HMBOX1: variants seen among roughly 807,000 people sequenced by gnomAD.
HMBOX1 encodes homeobox-containing protein 1.
A neutral mutation model predicts 54.5 loss-of-function variants in HMBOX1; 14 were observed. The ratio of observed to expected loss-of-function variants is 0.26; its 90% CI spans 0.17 to 0.40. The LOEUF (loss-of-function observed/expected upper bound fraction) is 0.40, where lower values mean the gene tolerates loss of function less well. HMBOX1 is among the 10% of genes least tolerant of loss of function. The pLI is 1.00. For synonymous variants in HMBOX1, 160 were observed against 181.0 expected (o/e 0.88, Z 0.93); for missense variants, 332 against 514.4 (o/e 0.65, Z 3.43).
At chr8:28,915,151 A>G (rs922012932) in intron 1 of HMBOX1, among the ~76,000 whole-genome samples, 7 of 152,222 alleles carry the variant, frequency 4.6e-5, no homozygotes, top group African/African-American at 1.4e-4. Flanking sequence ...TCAACTTCCT[A>G]GAGCAACTCT....
At chr8:28,955,205 G>A (rs965581665) in intron 1 of HMBOX1, among the ~76,000 whole-genome samples, 1 of 151,886 alleles carries the variant, frequency 6.6e-6, no homozygotes, top group African/African-American at 2.4e-5. Flanking sequence ...TTTTTAAAAA[G>A]TATAGTCTCT....
chr8:29,001,314 C>T (rs764622839), intron 4 of HMBOX1, among the ~76,000 whole-genome samples: 7 of 152,154 alleles, frequency 4.6e-5, no homozygotes, highest in Non-Finnish European at 8.8e-5. Context: ...CTCTGGGAGG[C>T]CAAGGCGGGT....
At chr8:29,016,696 G>A (rs189847364) in intron 5 of HMBOX1, among the ~76,000 whole-genome samples, 1 of 152,248 alleles carries the variant, frequency 6.6e-6, no homozygotes, top group Non-Finnish European at 1.5e-5. Context: ...TCATGTGGAT[G>A]TGGACAGGTC....
At chr8:29,004,717 T>C (rs767211920) in intron 4 of HMBOX1, among the ~76,000 whole-genome samples, 14 of 152,206 alleles carry the variant, frequency 9.2e-5, no homozygotes, top group South Asian at 4.1e-4. Context: ...GTAGACAAGA[T>C]AGGTTTTGAG....
At chr8:28,948,070 G>A (rs1485187856) in intron 1 of HMBOX1, among the ~76,000 whole-genome samples, 1 of 152,140 alleles carries the variant, frequency 6.6e-6, no homozygotes, top group East Asian at 1.9e-4. Context: ...TTGCAGGCTT[G>A]AGCCACTGTA....
intron 8 of HMBOX1, among the ~76,000 whole-genome samples, chr8:29,048,046 T>C (rs1805861046): frequency 6.6e-6 from 1 of 152,222 alleles, no homozygotes; most frequent in Non-Finnish European, 1.5e-5. Flanking sequence ...AATTGATTAC[T>C]CCTGTGGTAC....
At chr8:28,911,828 A>G (rs1227978482) in intron 1 of HMBOX1, among the ~76,000 whole-genome samples, 1 of 152,122 alleles carries the variant, frequency 6.6e-6, no homozygotes, top group Non-Finnish European at 1.5e-5. Context: ...AGAGGGGAGT[A>G]TTTTGGAACC....
At chr8:28,909,256 A>G (rs191287957) in intron 1 of HMBOX1, among the ~76,000 whole-genome samples, 103 of 152,344 alleles carry the variant, frequency 6.8e-4, no homozygotes, top group African/African-American at 2.4e-3. Context: ...TTGTTGAGCA[A>G]TGTTTTTTGA....
At chr8:29,016,777 AGT>A (rs2132959219) in intron 5 of HMBOX1, among the ~76,000 whole-genome samples, 1 of 152,352 alleles carries the variant, frequency 6.6e-6, no homozygotes, top group South Asian at 2.1e-4. Flanking sequence ...CCACTGCCTG[AGT>A]GTCCTCACAC....
At chr8:29,010,241 G>A (rs903880292) in intron 5 of HMBOX1, 1 of 630,378 alleles carries the variant, frequency 1.6e-6, no homozygotes, top group Non-Finnish European at 2.0e-6. Flanking sequence ...GTAGACACCT[G>A]TTTACTCTTT....
At chr8:28,917,183 A>C (rs562924798) in intron 1 of HMBOX1, among the ~76,000 whole-genome samples, 2 of 152,120 alleles carry the variant, frequency 1.3e-5, no homozygotes, top group Non-Finnish European at 2.9e-5. Context: ...CATCTTAGCA[A>C]TATTAAGTCT....
At chr8:28,921,641 T>C (rs951334511) in intron 1 of HMBOX1, among the ~76,000 whole-genome samples, 2 of 152,344 alleles carry the variant, frequency 1.3e-5, no homozygotes, top group South Asian at 2.1e-4. Flanking sequence ...TTCAGTGTTA[T>C]GATAACTGCA....
At chr8:28,953,348 G>A (rs1563456569) in intron 1 of HMBOX1, among the ~76,000 whole-genome samples, 1 of 152,054 alleles carries the variant, frequency 6.6e-6, no homozygotes, top group African/African-American at 2.4e-5. Context: ...ATTGTTTGAG[G>A]GAAAAACTGT....
intron 1 of HMBOX1, among the ~76,000 whole-genome samples, chr8:28,947,524 G>A (rs1465511622): frequency 6.6e-6 from 1 of 152,152 alleles, no homozygotes; most frequent in Non-Finnish European, 1.5e-5. Context: ...ATCAAAGCTA[G>A]TTAGAAGAGT....
At chr8:28,920,908 C>T (rs1253121529) in intron 1 of HMBOX1, among the ~76,000 whole-genome samples, 1 of 152,136 alleles carries the variant, frequency 6.6e-6, no homozygotes, top group Admixed American at 6.5e-5. Flanking sequence ...CATACTCTAA[C>T]ATAAACCAGA....
chr8:29,010,500 G>A (rs978672023), intron 5 of HMBOX1, among the ~76,000 whole-genome samples: 6 of 152,050 alleles, frequency 3.9e-5, no homozygotes, highest in Non-Finnish European at 8.8e-5. Flanking sequence ...AGGTTGCAGT[G>A]AGTGGAGATG....
chr8:28,929,573 T>A (rs1323093975), intron 1 of HMBOX1, among the ~76,000 whole-genome samples: 1 of 152,118 alleles, frequency 6.6e-6, no homozygotes, highest in Non-Finnish European at 1.5e-5. Flanking sequence ...AGGTCTGGCT[T>A]TTACAGTGTT....
intron 6 of HMBOX1, among the ~76,000 whole-genome samples, chr8:29,021,843 G>C (rs1432842213): frequency 7.0e-6 from 1 of 143,502 alleles, no homozygotes; most frequent in Non-Finnish European, 1.5e-5. Flanking sequence ...CTGGGTGACA[G>C]AGCGAGACTC....
chr8:28,943,719 TA>T (rs1384845589), intron 1 of HMBOX1, among the ~76,000 whole-genome samples: 1 of 152,208 alleles, frequency 6.6e-6, no homozygotes, highest in Non-Finnish European at 1.5e-5. Flanking sequence ...TTTCACAGTA[TA>T]ACCTTCAATG....
Sources: allele counts gnomAD v4.1 joint callset (sites outside exome capture counted in the v4.1 genomes callset), GRCh38; gene constraint gnomAD v4.1.1; transcripts MANE v1.5; gene names NCBI Gene and HGNC (gene_info 2026-07-23, HGNC 2026-07-21).